Variants in SUSD1 observed in about 807,000 individuals in gnomAD.
The protein encoded by SUSD1 is sushi domain containing 1, also known as sushi domain-containing protein 1.
SUSD1 carries 65 observed loss-of-function variants against 86.9 expected under a neutral mutation model. The ratio of observed to expected loss-of-function variants is 0.75; its 90% CI spans 0.61 to 0.92. The LOEUF is 0.92. SUSD1 is among the 40% of genes least tolerant of loss of function. The probability of loss-of-function intolerance (pLI) is 0.00; values close to 1 mark genes in which losing one functional copy is unlikely to be tolerated. For missense variants in SUSD1, 850 were observed against 929.7 expected, an observed-to-expected ratio of 0.91 and a Z score of 1.11; for synonymous variants, 346 against 350.0, an observed-to-expected ratio of 0.99 and a Z score of 0.13.
intron 8 of SUSD1, among the ~76,000 whole-genome samples, chr9:112,110,771 G>T (rs1831060433): frequency 6.6e-6 from 1 of 150,926 alleles, no homozygotes; most frequent in Non-Finnish European, 1.5e-5. Context: ...TCACAATGTT[G>T]TTAAAAACCC....
intron 12 of SUSD1, among the ~76,000 whole-genome samples, chr9:112,070,005 T>TTTTTGC (rs1202580693): frequency 6.6e-6 from 1 of 152,148 alleles, no homozygotes; most frequent in Non-Finnish European, 1.5e-5. Flanking sequence ...TTTGTTTTTG[T>TTTTTGC]TTTTGCTTTT....
intron 8 of SUSD1, among the ~76,000 whole-genome samples, chr9:112,105,661 A>G (rs553275616): frequency 2.0e-5 from 3 of 152,292 alleles, no homozygotes; most frequent in Admixed American, 6.5e-5. Flanking sequence ...GAAGGTTGCA[A>G]TGAGCCAATA....
chr9:112,097,619 G>A (rs1272192547), intron 10 of SUSD1, among the ~76,000 whole-genome samples: 3 of 151,714 alleles, frequency 2.0e-5, no homozygotes, highest in African/African-American at 4.8e-5. Flanking sequence ...GGCTAGTCTC[G>A]AACTCCTGAC....
chr9:112,068,271 G>A (rs72762055), intron 12 of SUSD1, among the ~76,000 whole-genome samples: 11,714 of 152,256 alleles, frequency 0.077, 729 homozygotes, highest in South Asian at 0.22. Context: ...GCATGAGGTG[G>A]TGGCAGGGAG....
intron 2 of SUSD1, among the ~76,000 whole-genome samples, chr9:112,151,624 G>A (rs1372183875): frequency 1.5e-4 from 23 of 149,402 alleles, no homozygotes; most frequent in Admixed American, 5.3e-4. Flanking sequence ...TTTCTTGGCC[G>A]GGCACAGTGG....
rs1209059667 is a variant in SUSD1 at position 112,102,285 on chromosome 9, T to G, written c.1172A>C (p.Glu391Ala). The G allele has an allele frequency of 6.6e-7, 1 of 1,521,554 alleles. No individual in the cohort carries two copies. Among genetic ancestry groups the G allele is most frequent in the South Asian group, 1.2e-5 (1 of 84,146 alleles). 94.3% of individuals were successfully genotyped at this position (1,521,554 alleles called of 1,614,324 possible). A position where few individuals can be genotyped will look rare whatever the true frequency, so the allele number is the denominator to read the frequency against. Residue 391 changes from glutamate to alanine, a missense_variant and splice_region_variant, in exon 9 of 17, where the codon GAA (glutamate) becomes GCA (alanine). Transcript: ENST00000374270. Reference sequence around the variant, plus strand: ...TCCATCATCTTCTAAGAGATCAACTTCTAAAAGACAAGAGAGAGAGTTATA... The same window carrying G: ...TCCATCATCTTCTAAGAGATCAACTGCTAAAAGACAAGAGAGAGAGTTATA... Reference protein sequence around the residue: ...MPAVIGFQTAEVDLLEDDGSF... With the variant: ...MPAVIGFQTAAVDLLEDDGSF...
Position 112,124,363 on chromosome 9 carries a change from AC to A in SUSD1, c.779del (p.Gly260ValfsTer33), listed in dbSNP as rs1831678958. 6.2e-7 allele frequency: 1 copy of A among 1,613,950 alleles called. No homozygotes were observed. Among genetic ancestry groups the A allele is most frequent in the Admixed American group, 1.7e-5 (1 of 59,992 alleles). On this transcript the variant is annotated frameshift_variant, in exon 6 of 17. Transcript: ENST00000374270. LOFTEE classifies it high-confidence loss of function. ...LVGNHSSRLGGVARYVCQEGF... is the reference protein window; with the variant it reads ...LVGNHSSRLGXVARYVCQEGF... ...CCTCTTGACAGACATAGCGAGCCAC[AC>A]CGCCCAGCCTGGAGCTGTGATTTCC...
chr9:112,139,438 CATT>C lies in SUSD1; in HGVS notation c.706+2879_706+2881del, dbSNP rs994654171. Among the ~76,000 whole-genome samples, 42 of 152,084 alleles carry C rather than the reference CATT, an allele frequency of 2.8e-4. 1 individual carries two copies. Among genetic ancestry groups the C allele is most frequent in the Non-Finnish European group, 2.4e-4 (16 of 68,006 alleles). On this transcript the variant is annotated intron_variant, in intron 5 of 16. Transcript: ENST00000374270. ...AGGAAATCTAACAATATAACCCACA[CATT>C]ATTATTATTATTTTTTCTTTATGAG...
intron 14 of SUSD1, among the ~76,000 whole-genome samples, chr9:112,053,387 C>T (rs947526944): frequency 7.3e-5 from 11 of 151,196 alleles, no homozygotes; most frequent in Non-Finnish European, 1.0e-4. Context: ...TGGTGGTGGG[C>T]GCCTGTACTC....
chr9:112,154,086 C>T (rs75871136), intron 2 of SUSD1, among the ~76,000 whole-genome samples: 26,131 of 151,894 alleles, frequency 0.17, 2,493 homozygotes, highest in East Asian at 0.42. Flanking sequence ...TCTTATGGGC[C>T]CACTGTTGTA....
intron 3 of SUSD1, among the ~76,000 whole-genome samples, chr9:112,148,059 G>GCATAAGAA (rs1832883041): frequency 6.6e-6 from 1 of 152,210 alleles, no homozygotes. Flanking sequence ...ATGAATCCGA[G>GCATAAGAA]CATAAGAACC....
At chr9:112,120,698 A>G (rs550632186) in intron 6 of SUSD1, among the ~76,000 whole-genome samples, 3 of 152,342 alleles carry the variant, frequency 2.0e-5, no homozygotes, top group African/African-American at 7.2e-5. Flanking sequence ...CAGGCTGAGG[A>G]TGGTAATTAT....
At chr9:112,149,600 G>A (rs906002287) in intron 2 of SUSD1, among the ~76,000 whole-genome samples, 2 of 152,144 alleles carry the variant, frequency 1.3e-5, no homozygotes, top group African/African-American at 4.8e-5. Flanking sequence ...TGCCAGGAGT[G>A]TATGAAACCC....
intron 5 of SUSD1, among the ~76,000 whole-genome samples, chr9:112,141,447 C>T (rs971803444): frequency 1.3e-4 from 20 of 152,006 alleles, no homozygotes; most frequent in African/African-American, 3.9e-4. Flanking sequence ...GAGGCCAACA[C>T]GGGCAGATAA....
In SUSD1 at chr9:112,124,293, T is replaced by C; in HGVS notation, c.850A>G (p.Lys284Glu). The change falls in exon 6 of 17, where the codon AAA (lysine) becomes GAA (glutamate). Residue 284 changes from lysine (K) to glutamate (E), a missense_variant. By Grantham distance (56) the Lys-to-Glu change is moderately conservative (BLOSUM62 1). Coordinates refer to ENST00000374270, the MANE Select transcript of SUSD1 (RefSeq NM_022486.5). ...AAAGTACTTTCTCTCCAGGTGCCTT[T>C]CTCTGTGCAAACAGAAGTGATCTTT... ...GGKITSVCTE[K>E]GTWRESTLTC... 1.9e-6 allele frequency: 3 copies of C among 1,614,066 alleles called. No individual in the cohort carries two copies. Among genetic ancestry groups the C allele is most frequent in the Non-Finnish European group, 2.5e-6 (3 of 1,179,948 alleles).
intron 12 of SUSD1, among the ~76,000 whole-genome samples, chr9:112,074,501 C>T (rs978506435): frequency 1.3e-5 from 2 of 152,142 alleles, no homozygotes; most frequent in Non-Finnish European, 2.9e-5. Context: ...ATTCCTAGAA[C>T]CTTCACTGTC....
intron 10 of SUSD1, among the ~76,000 whole-genome samples, chr9:112,080,909 G>T (rs1047843953): frequency 6.6e-6 from 1 of 152,132 alleles, no homozygotes; most frequent in African/African-American, 2.4e-5. Flanking sequence ...AAGCAATCAG[G>T]TTTTTCATGA....
intron 13 of SUSD1, among the ~76,000 whole-genome samples, chr9:112,059,071 C>T (rs1055294322): frequency 1.2e-4 from 19 of 152,206 alleles, no homozygotes; most frequent in Non-Finnish European, 1.8e-4. Context: ...GGATTACAGG[C>T]GTGAGCCACT....
At chr9:112,165,297 TA>T (rs1181626883) in intron 1 of SUSD1, among the ~76,000 whole-genome samples, 2 of 152,176 alleles carry the variant, frequency 1.3e-5, no homozygotes, top group African/African-American at 4.8e-5. Context: ...TCCTCTGTAT[TA>T]TAAACAATAG....
Sources: gnomAD v4.1 joint callset for allele counts (sites outside exome capture counted in the v4.1 genomes callset) on GRCh38, gnomAD v4.1.1 for gene constraint, MANE v1.5 for transcripts, NCBI Gene and HGNC (gene_info 2026-07-23, HGNC 2026-07-21) for gene names.